Variants in GRID2 observed in about 807,000 individuals in gnomAD.
GRID2 encodes glutamate ionotropic receptor delta type subunit 2.
A neutral mutation model predicts 114.8 loss-of-function variants in GRID2; 33 were observed. The observed-to-expected ratio is 0.29, with a 90% CI of 0.22 to 0.38. GRID2 has a LOEUF of 0.38. GRID2 is among the 10% of genes least tolerant of loss of function. The pLI is 1.00. For missense variants in GRID2, 1,184 were observed against 1,257.7 expected, an observed-to-expected ratio of 0.94 and a Z score of 0.89; for synonymous variants, 505 against 449.9, an observed-to-expected ratio of 1.12 and a Z score of -1.55.
chr4:93,396,277 T>A (rs1170747804), intron 9 of GRID2, among the ~76,000 whole-genome samples: 1 of 152,064 alleles, frequency 6.6e-6, no homozygotes, highest in Non-Finnish European at 1.5e-5. Flanking sequence ...TAATTCTGTC[T>A]TGATAGAACT....
chr4:93,239,655 A>G (rs1747254608), intron 8 of GRID2, among the ~76,000 whole-genome samples: 1 of 151,612 alleles, frequency 6.6e-6, no homozygotes, highest in Non-Finnish European at 1.5e-5. Context: ...TGCATAAAAC[A>G]CAAAGTTTAG....
Position 92,652,900 on chromosome 4 carries a change from A to ATAAATATATATTTATAAATACATG in GRID2, c.244+62637_244+62638insGTAAATATATATTTATAAATACAT, listed in dbSNP as rs1732024486. 2.1e-5 allele frequency among the ~76,000 whole-genome samples: 3 copies of ATAAATATATATTTATAAATACATG among 139,694 alleles called. 1 individual carries two copies. The highest frequency in any genetic ancestry group is 7.7e-5 in the African/African-American group (3 of 39,058). The allele number at this position is 139,694 out of a possible 152,430, so 91.6% of individuals were successfully genotyped here. ...TATAAAAATATATTTATAAATACAT[A>ATAAATATATATTTATAAATACATG]TAAATATATATTTATAAATACATAT... On this transcript the variant is annotated intron_variant, in intron 2 of 15. Coordinates refer to ENST00000282020, the MANE Select transcript of GRID2 (RefSeq NM_001510.4).
At chr4:93,067,193 G>A (rs557459815) in intron 2 of GRID2, among the ~76,000 whole-genome samples, 1 of 151,976 alleles carries the variant, frequency 6.6e-6, no homozygotes, top group African/African-American at 2.4e-5. Context: ...TTGCAGTGAG[G>A]TTGCCCAGAA....
At chr4:92,941,998 C>T (rs1751180961) in intron 2 of GRID2, among the ~76,000 whole-genome samples, 1 of 152,156 alleles carries the variant, frequency 6.6e-6, no homozygotes, top group African/African-American at 2.4e-5. Flanking sequence ...AGTATGTGGT[C>T]AATTTTGGAA....
chr4:93,608,286 AT>A (rs1233562286), intron 13 of GRID2, among the ~76,000 whole-genome samples: 23 of 84,036 alleles, frequency 2.7e-4, no homozygotes, highest in African/African-American at 1.1e-3. Context: ...ACTGAAAATT[AT>A]TTTTTTTTCT....
At position 93,455,955 on chromosome 4, in the gene GRID2, T is replaced by C; in HGVS notation, c.1839T>C (p.Tyr613=). ...TCTACAACTCCATGTGGTTTGTGTA[T>C]GGATCTTTTGTACAACAAGGTAAGG... ...TTLYNSMWFV[Y]GSFVQQGGEV... The change falls in exon 11 of 16, where the codon TAT becomes TAC. Residue 613 remains tyrosine, a synonymous_variant. Coordinates refer to ENST00000282020, the MANE Select transcript of GRID2 (RefSeq NM_001510.4). The C allele has an allele frequency of 6.3e-7, 1 of 1,599,318 alleles. No homozygotes were observed. Among genetic ancestry groups the C allele is most frequent in the Non-Finnish European group, 8.6e-7 (1 of 1,166,568 alleles).
chr4:92,477,967 A>G (rs1193256552), intron 1 of GRID2, among the ~76,000 whole-genome samples: 2 of 151,458 alleles, frequency 1.3e-5, no homozygotes, highest in Non-Finnish European at 3.0e-5. Context: ...ACAGAACAAC[A>G]TAGGCCCTAG....
chr4:92,700,530 T>G (rs1052129965), intron 2 of GRID2, among the ~76,000 whole-genome samples: 1 of 152,180 alleles, frequency 6.6e-6, no homozygotes, highest in African/African-American at 2.4e-5. Context: ...CCCTTAGTTT[T>G]TCCGTTAATT....
chr4:93,105,232 G>C (rs950543058), intron 3 of GRID2, among the ~76,000 whole-genome samples: 1 of 151,932 alleles, frequency 6.6e-6, no homozygotes, highest in Non-Finnish European at 1.5e-5. Context: ...AGTAGGTTGC[G>C]AAAATTTTCT....
chr4:92,863,495 A>G (rs1435191007), intron 2 of GRID2, among the ~76,000 whole-genome samples: 3 of 152,120 alleles, frequency 2.0e-5, no homozygotes, highest in East Asian at 1.9e-4. Context: ...AAATGTCCCA[A>G]TCAAGATTAA....
chr4:93,422,860 T>C lies in GRID2; in HGVS notation c.1437T>C (p.Ser479=). 3 of 1,613,180 alleles carry C rather than the reference T, an allele frequency of 1.9e-6. No individual in the cohort carries two copies. Among genetic ancestry groups the C allele is most frequent in the Non-Finnish European group, 2.5e-6 (3 of 1,179,146 alleles). Residue 479 remains serine, a synonymous_variant, in exon 10 of 16, where the codon TCT becomes TCC. Coordinates refer to ENST00000282020, the MANE Select transcript of GRID2 (RefSeq NM_001510.4). ...GFSIDVLDAL[S]NYLGFNYEIY... ...CCATTGATGTTTTGGATGCCTTATC[T>C]AACTACCTGGGTTTTAACTACGAAA...
At chr4:93,128,027 C>CAAAAAAAAAAAAAAAAAAAAAAA (rs1008311457) in intron 4 of GRID2, among the ~76,000 whole-genome samples, 6 of 20,336 alleles carry the variant, frequency 3.0e-4, no homozygotes, top group African/African-American at 1.0e-3. Flanking sequence ...TCCCCCGCAA[C>CAAAAAAAAAAAAAAAAAAAAAAA]AAAAAAAAAA....
At chr4:93,122,890 G>GTTTTTTTTTTTT (rs886185779) in intron 4 of GRID2, among the ~76,000 whole-genome samples, 45 of 69,774 alleles carry the variant, frequency 6.4e-4, no homozygotes, top group Middle Eastern at 0.019. Flanking sequence ...ACAGATGTGG[G>GTTTTTTTTTTTT]TTTTTTTTTT....
chr4:93,008,609 T>G (rs1302837914), intron 2 of GRID2, among the ~76,000 whole-genome samples: 1 of 152,038 alleles, frequency 6.6e-6, no homozygotes, highest in Non-Finnish European at 1.5e-5. Flanking sequence ...ATGGAAGTGG[T>G]GTTTGTGTGT....
chr4:93,345,762 T>C (rs1367844516), intron 8 of GRID2, among the ~76,000 whole-genome samples: 1 of 152,106 alleles, frequency 6.6e-6, no homozygotes, highest in Non-Finnish European at 1.5e-5. Flanking sequence ...CTTCTAGTAG[T>C]TTTATAGTTT....
At chr4:93,047,038 T>C (rs1726205691) in intron 2 of GRID2, among the ~76,000 whole-genome samples, 1 of 151,946 alleles carries the variant, frequency 6.6e-6, no homozygotes, top group African/African-American at 2.4e-5. Flanking sequence ...GTGATGAAAA[T>C]GGCACATCTC....
At chr4:93,334,257 C>G (rs1373876766) in intron 8 of GRID2, among the ~76,000 whole-genome samples, 1 of 152,086 alleles carries the variant, frequency 6.6e-6, no homozygotes, top group African/African-American at 2.4e-5. Context: ...GTTCCCACAG[C>G]ATGCAAATTA....
At chr4:92,913,068 G>T (rs1319441310) in intron 2 of GRID2, among the ~76,000 whole-genome samples, 1 of 151,672 alleles carries the variant, frequency 6.6e-6, no homozygotes, top group Non-Finnish European at 1.5e-5. Flanking sequence ...TATTTTGATG[G>T]TGAATAATCA....
At chr4:92,905,922 A>G (rs956571411) in intron 2 of GRID2, among the ~76,000 whole-genome samples, 9 of 152,174 alleles carry the variant, frequency 5.9e-5, no homozygotes, top group Non-Finnish European at 7.4e-5. Flanking sequence ...TCGCTCTATA[A>G]TTAAGTCTTA....
Sources: allele counts gnomAD v4.1 joint callset (sites outside exome capture counted in the v4.1 genomes callset), GRCh38; gene constraint gnomAD v4.1.1; transcripts MANE v1.5; gene names NCBI Gene and HGNC (gene_info 2026-07-23, HGNC 2026-07-21).